Variants in ARHGEF6 observed in about 807,000 individuals in gnomAD.
The protein encoded by ARHGEF6 is Rac/Cdc42 guanine nucleotide exchange factor 6.
A neutral mutation model predicts 70.3 loss-of-function variants in ARHGEF6; 9 were observed. The ratio of observed to expected loss-of-function variants is 0.13; its 90% confidence interval spans 0.08 to 0.22. ARHGEF6 has a LOEUF of 0.22. Among genes scored for constraint, ARHGEF6 ranks in the 10% least tolerant of loss-of-function variants. The pLI is 1.00. For missense variants in ARHGEF6, 470 were observed against 563.0 expected (o/e 0.83, Z 1.67); for synonymous variants, 201 against 207.8 (o/e 0.97, Z 0.28).
In ARHGEF6 at chrX:136,712,269, C is replaced by T. The variant is rs143075574; in HGVS notation, c.827+1007G>A. Among the ~76,000 whole-genome samples, 672 of 111,133 alleles carry T rather than the reference C, an allele frequency of 6.0e-3. 4 individuals are homozygous for T. The highest frequency in any genetic ancestry group is 0.018 in the African/African-American group (556 of 30,526). ...GATTACAGGCTTGCACTACCACGCCCGGCTAATTTGCTTTTGTATTTTTAG... is the reference window on the plus strand; with the variant it reads ...GATTACAGGCTTGCACTACCACGCCTGGCTAATTTGCTTTTGTATTTTTAG... On this transcript the variant is annotated intron_variant, in intron 7 of 21. Coordinates refer to ENST00000250617, the MANE Select transcript of ARHGEF6 (RefSeq NM_004840.3).
intron 5 of ARHGEF6, among the ~76,000 whole-genome samples, chrX:136,735,081 C>G (rs1201672407): frequency 8.9e-6 from 1 of 112,026 alleles, no homozygotes; most frequent in Non-Finnish European, 1.9e-5. Flanking sequence ...AGATCAGGAA[C>G]AAGGCAAGGA....
At chrX:136,776,963 G>A (rs950696712) in intron 2 of ARHGEF6, among the ~76,000 whole-genome samples, 1 of 111,834 alleles carries the variant, frequency 8.9e-6, no homozygotes, top group African/African-American at 3.2e-5. Flanking sequence ...GGTGGCTCAC[G>A]CCTGTAATCC....
chrX:136,747,183 A>AAACT (rs984482212), intron 3 of ARHGEF6, among the ~76,000 whole-genome samples: 7 of 111,308 alleles, frequency 6.3e-5, no homozygotes, highest in Admixed American at 4.8e-4. Context: ...TGTATTTTGT[A>AAACT]AACTCTATGA....
intron 9 of ARHGEF6, among the ~76,000 whole-genome samples, chrX:136,693,907 G>A (rs1334371777): frequency 9.0e-6 from 1 of 111,728 alleles, no homozygotes; most frequent in African/African-American, 3.3e-5. Flanking sequence ...TGAGGCAAGA[G>A]GAGCTGGCTG....
intron 5 of ARHGEF6, among the ~76,000 whole-genome samples, chrX:136,738,892 C>T (rs1039428549): frequency 2.7e-5 from 3 of 112,194 alleles, no homozygotes; most frequent in Non-Finnish European, 5.6e-5. Flanking sequence ...TTCTCTTCCT[C>T]CCCACTATCC....
At chrX:136,742,557 T>C (rs1259035767) in intron 5 of ARHGEF6, among the ~76,000 whole-genome samples, 3 of 112,186 alleles carry the variant, frequency 2.7e-5, no homozygotes, top group African/African-American at 9.7e-5. Context: ...AATGCTGTTT[T>C]ATGTGTATTG....
intron 6 of ARHGEF6, among the ~76,000 whole-genome samples, chrX:136,722,329 A>T (rs997439353): frequency 2.3e-4 from 26 of 112,369 alleles, no homozygotes; most frequent in Admixed American, 8.5e-4. Context: ...ATTGGAATTC[A>T]TCAAAATTAA....
At chrX:136,750,323 T>C (rs1603352303) in intron 2 of ARHGEF6, among the ~76,000 whole-genome samples, 1 of 112,600 alleles carries the variant, frequency 8.9e-6, no homozygotes, top group Non-Finnish European at 1.9e-5. Context: ...TTATGCTGTA[T>C]GTAATTTTCC....
intron 19 of ARHGEF6, among the ~76,000 whole-genome samples, 180 bp downstream of exon 19, chrX:136,674,827 C>A (rs1257736561): frequency 8.9e-6 from 1 of 112,031 alleles, no homozygotes; most frequent in Non-Finnish European, 1.9e-5. Context: ...GGTAAACAAA[C>A]CGCTTGGTAG....
At chrX:136,736,321 T>G (rs926868732) in intron 5 of ARHGEF6, among the ~76,000 whole-genome samples, 3 of 112,427 alleles carry the variant, frequency 2.7e-5, no homozygotes, top group African/African-American at 9.7e-5. Flanking sequence ...TTATAATGTA[T>G]GTGACTCAAA....
chrX:136,735,574 C>T (rs1020180270), intron 5 of ARHGEF6, among the ~76,000 whole-genome samples: 5 of 110,893 alleles, frequency 4.5e-5, no homozygotes, highest in East Asian at 2.8e-4. Context: ...CCAACCAGTG[C>T]GGGGGGAAAT....
rs1440672406 is a variant in ARHGEF6 at position 136,667,148 on chromosome X, C to T, written c.*881G>A. 8.9e-6 allele frequency: 1 copy of T among 112,422 alleles called. No individual in the cohort carries two copies. The highest frequency in any genetic ancestry group is 1.9e-5 in the Non-Finnish European group (1 of 53,283). 9.3% of individuals were successfully genotyped at this position (112,422 alleles called of 1,213,427 possible). ...CACATACATACTAGTTTACACACCA[C>T]TTGGTAAGGTTGGCTAAAAGTACTG... On this transcript the variant is annotated 3_prime_UTR_variant, in exon 22 of 22. Transcript: ENST00000250617.
chrX:136,682,514 T>C (rs1603335474), intron 13 of ARHGEF6, among the ~76,000 whole-genome samples: 1 of 112,285 alleles, frequency 8.9e-6, no homozygotes, highest in African/African-American at 3.2e-5. Context: ...TTTCCATTTA[T>C]GCATGCAAAA....
At chrX:136,669,021 T>C (rs1366632084) in intron 21 of ARHGEF6, among the ~76,000 whole-genome samples, 1 of 111,550 alleles carries the variant, frequency 9.0e-6, no homozygotes, top group Non-Finnish European at 1.9e-5. Flanking sequence ...ACCTCCTAAG[T>C]GGTCTTCTAG....
At chrX:136,773,809 G>A (rs2077380810) in intron 2 of ARHGEF6, among the ~76,000 whole-genome samples, 1 of 112,094 alleles carries the variant, frequency 8.9e-6, no homozygotes, top group South Asian at 3.7e-4. Flanking sequence ...ACCAAGCCAA[G>A]ATTCTAATCT....
intron 16 of ARHGEF6, 26 bp from the exon 17 acceptor site, chrX:136,677,982 A>G: frequency 8.4e-7 from 1 of 1,188,839 alleles, no homozygotes; most frequent in Non-Finnish European, 1.1e-6. Flanking sequence ...AAAGAAAGAG[A>G]AGATGAGCGT....
intron 15 of ARHGEF6, among the ~76,000 whole-genome samples, chrX:136,680,467 G>A (rs776552242): frequency 1.8e-5 from 2 of 112,238 alleles, no homozygotes; most frequent in Non-Finnish European, 3.8e-5. Context: ...CAGGACTTCT[G>A]GTTAGAAATA....
intron 9 of ARHGEF6, among the ~76,000 whole-genome samples, chrX:136,694,350 G>C (rs1344788224): frequency 8.9e-6 from 1 of 112,180 alleles, no homozygotes; most frequent in African/African-American, 3.2e-5. Context: ...ACCGCGCCCG[G>C]CCTTGTCCCT....
At chrX:136,686,625 C>CACATATATATATATAT (rs2076395419) in intron 11 of ARHGEF6, among the ~76,000 whole-genome samples, 2 of 54,975 alleles carry the variant, frequency 3.6e-5, no homozygotes, top group African/African-American at 1.9e-4. Context: ...TATATATACA[C>CACATATATATATATAT]ATATATATAT....
Sources: allele counts gnomAD v4.1 joint callset (sites outside exome capture counted in the v4.1 genomes callset), GRCh38; gene constraint gnomAD v4.1.1; transcripts MANE v1.5; gene names NCBI Gene and HGNC (gene_info 2026-07-23, HGNC 2026-07-21).